FKBP8: variants seen among roughly 807,000 people sequenced by gnomAD.
The protein encoded by FKBP8 is peptidyl-prolyl cis-trans isomerase FKBP8.
In FKBP8, 5 loss-of-function variants were observed where a neutral mutation model predicts 41.7. The ratio of observed to expected loss-of-function variants is 0.12; its 90% confidence interval spans 0.06 to 0.25. FKBP8 has a LOEUF of 0.25. FKBP8 is among the 10% of genes least tolerant of loss of function. The probability of loss-of-function intolerance (pLI) is 1.00; values close to 1 mark genes in which losing one functional copy is unlikely to be tolerated. For synonymous variants in FKBP8, 279 were observed against 254.5 expected, an observed-to-expected ratio of 1.10 and a Z score of -0.92; for missense variants, 397 against 563.0, an observed-to-expected ratio of 0.71 and a Z score of 2.98.
chr19:18,533,469 A>C (rs1387458580), intron 6 of FKBP8, 122 bp from the exon 7 acceptor site: 1 of 557,746 alleles, frequency 1.8e-6, no homozygotes, highest in Non-Finnish European at 3.0e-6. Context: ...TGAGCAACAG[A>C]GCAAGACTCC....
At chr19:18,542,132 TG>T in intron 1 of FKBP8, 137 bp from the exon 2 acceptor site, 1 of 1,311,886 alleles carries the variant, frequency 7.6e-7, no homozygotes, top group Non-Finnish European at 1.0e-6. Context: ...ATCTATACAG[TG>T]GGTGTAACAA....
chr19:18,538,557 T>G lies in FKBP8; in HGVS notation c.552-121A>C, dbSNP rs1976632068. ...CGATCTGTCTCCCCTCTGCCCTCCA[T>G]CATTCCCTCCTCAGTAAAGTGCAGG... is the stretch of plus-strand genomic sequence containing the variant. On this transcript the variant is annotated intron_variant, in intron 4 of 8. Transcript: ENST00000608443. The surrounding 1 kb of genome is among the most constrained non-coding windows in gnomAD (Gnocchi z 4.0). The G allele has an allele frequency of 2.6e-6, 2 of 781,268 alleles. No homozygotes were observed. The highest frequency in any genetic ancestry group is 3.7e-5 in the South Asian group (2 of 54,604). The allele number at this position is 781,268 out of a possible 1,614,324, so 48.4% of individuals were successfully genotyped here.
Position 18,537,804 on chromosome 19 carries a change from C to G in FKBP8, c.773-31G>C, listed in dbSNP as rs781330347. 4 of 1,580,614 alleles carry G rather than the reference C, an allele frequency of 2.5e-6. No homozygotes were observed. The South Asian group carries it at 4.6e-5, about 18-fold the overall frequency. ...GGGAGACAGTGCCCGCCACGGCAGC[C>G]GTCACCATGCCACCAGACACCCCGG... is the stretch of plus-strand genomic sequence containing the variant. On this transcript the variant is annotated intron_variant, in intron 5 of 8. Coordinates refer to ENST00000608443, the MANE Select transcript of FKBP8 (RefSeq NM_012181.5). The surrounding 1 kb of genome is among the most constrained non-coding windows in gnomAD (Gnocchi z 4.4).
At chr19:18,532,507 C>G in intron 8 of FKBP8, 157 bp downstream of exon 8, 1 of 1,197,566 alleles carries the variant, frequency 8.4e-7, no homozygotes, top group Non-Finnish European at 1.2e-6. Flanking sequence ...GTTCCACCTT[C>G]GACTCCACTC....
At chr19:18,535,590 G>A (rs1371992012) in intron 6 of FKBP8, among the ~76,000 whole-genome samples, 4 of 151,918 alleles carry the variant, frequency 2.6e-5, no homozygotes, top group African/African-American at 7.2e-5. Flanking sequence ...TGGCCAACAT[G>A]GTGAAACCCC....
At chr19:18,539,516 C>G (rs952356878) in intron 3 of FKBP8, 35 bp downstream of exon 3, 1 of 1,611,226 alleles carries the variant, frequency 6.2e-7, no homozygotes, top group Non-Finnish European at 8.5e-7. Flanking sequence ...CAAGGCACGC[C>G]CCTCGCCCCT....
At chr19:18,543,013 C>G in intron 1 of FKBP8, 1 of 675,966 alleles carries the variant, frequency 1.5e-6, no homozygotes, top group Non-Finnish European at 2.1e-6. Flanking sequence ...CCACCGCCCC[C>G]AGCACGGGCC....
intron 6 of FKBP8, among the ~76,000 whole-genome samples, chr19:18,534,273 G>C (rs151114395): frequency 0.013 from 1,876 of 150,012 alleles, 29 homozygotes; most frequent in African/African-American, 0.028. Flanking sequence ...CGCCACTGCA[G>C]TCCAGCCTGG....
chr19:18,536,542 A>AG (rs1232201988), intron 6 of FKBP8, among the ~76,000 whole-genome samples: 1 of 152,068 alleles, frequency 6.6e-6, no homozygotes, highest in African/African-American at 2.4e-5. Context: ...TGGGTAGAGA[A>AG]GGGGGTCTCC....
rs1235147076 is a variant in FKBP8 at position 18,532,221 on chromosome 19, G to A, written c.1190C>T (p.Ala397Val). Residue 397 changes from alanine to valine, a missense_variant, in exon 9 of 9, where the codon GCT becomes GTT. By Grantham distance (64) the Ala-to-Val change is moderately conservative (BLOSUM62 0). Around this residue, in one of 2 missense-constraint regions of FKBP8, gnomAD observed 225 missense variants for 366.8 expected, o/e 0.61. Coordinates refer to ENST00000608443, the MANE Select transcript of FKBP8 (RefSeq NM_012181.5). ...IPWKWLFGAT[A>V]VALGGVALSV... ...GAGTGCCACACCCCCCAAGGCAACA[G>A]CAGTCGCCCCAAACAGCCACTTCCA... 27 of 1,610,142 alleles carry A rather than the reference G, an allele frequency of 1.7e-5. No homozygotes were observed. The highest frequency in any genetic ancestry group is 2.3e-5 in the Non-Finnish European group (27 of 1,178,688).
In FKBP8 at chr19:18,533,049, C is replaced by T. The variant is rs1976485589; in HGVS notation, c.1023+221G>A. ...GAAGGCCAAGGACACTGGCATGGAG[C>T]AGGCTGGCAGTGCCCTCAGCTGCTG... On this transcript the variant is annotated intron_variant, in intron 7 of 8. Coordinates refer to ENST00000608443, the MANE Select transcript of FKBP8 (RefSeq NM_012181.5). 4.3e-6 allele frequency: 3 copies of T among 690,774 alleles called. No homozygotes were observed. The South Asian group carries it at 6.0e-5, about 14-fold the overall frequency. The allele number at this position is 690,774 out of a possible 1,614,324, so 42.8% of individuals were successfully genotyped here. A position where few individuals can be genotyped will look rare whatever the true frequency, so the allele number is the denominator to read the frequency against.
At chr19:18,542,229 T>C in intron 1 of FKBP8, 1 of 497,582 alleles carries the variant, frequency 2.0e-6, no homozygotes, top group Non-Finnish European at 3.5e-6. Flanking sequence ...TTAGAGCTAA[T>C]TATTATTTAA....
chr19:18,536,189 G>A (rs1976571588), intron 6 of FKBP8: 1 of 152,074 alleles, frequency 6.6e-6, no homozygotes, highest in Admixed American at 6.6e-5. Context: ...CAGAAACACA[G>A]CAGGTGAGCC....
intron 7 of FKBP8, 185 bp from the exon 8 acceptor site, chr19:18,532,980 T>C: frequency 1.0e-6 from 1 of 972,902 alleles, no homozygotes; most frequent in Non-Finnish European, 1.5e-6. Flanking sequence ...AGCCAATTGA[T>C]GGCGCAGAGC....
chr19:18,542,360 G>C, intron 1 of FKBP8: 1 of 208,398 alleles, frequency 4.8e-6, no homozygotes, highest in Non-Finnish European at 9.8e-6. Flanking sequence ...GCCAAAGGAG[G>C]ATTTGAACCT....
intron 2 of FKBP8, 95 bp from the exon 3 acceptor site, chr19:18,539,815 T>C (rs1043393703): frequency 1.4e-6 from 2 of 1,434,492 alleles, no homozygotes; most frequent in African/African-American, 1.4e-5. Flanking sequence ...CTCTGCCCAC[T>C]AGCTGTCCAG....
At chr19:18,540,450 A>C (rs1195986529) in intron 2 of FKBP8, among the ~76,000 whole-genome samples, 3 of 152,158 alleles carry the variant, frequency 2.0e-5, no homozygotes, top group African/African-American at 7.2e-5. Context: ...AAAATAAAAA[A>C]TGACCAGGCA....
chr19:18,533,082 G>A (rs1976486065), intron 7 of FKBP8, 188 bp downstream of exon 7: 9 of 680,920 alleles, frequency 1.3e-5, no homozygotes, highest in Non-Finnish European at 1.9e-5. Context: ...CTGGAGGAGT[G>A]AGAGCCCAGA....
chr19:18,541,362 A>T (rs1455020712), intron 2 of FKBP8, among the ~76,000 whole-genome samples: 1 of 152,142 alleles, frequency 6.6e-6, no homozygotes, highest in Non-Finnish European at 1.5e-5. Flanking sequence ...GTGTCAGACA[A>T]ATGCCAAAAA....
Sources: allele counts gnomAD v4.1 joint callset (sites outside exome capture counted in the v4.1 genomes callset), GRCh38; gene constraint gnomAD v4.1.1; regional missense constraint gnomAD v4.1.1; non-coding constraint Gnocchi (gnomAD v3.1); transcripts MANE v1.5; gene names NCBI Gene and HGNC (gene_info 2026-07-23, HGNC 2026-07-21).